The following RAB3C variants were observed in gnomAD, a reference collection of about 807,000 sequenced individuals.
RAB3C encodes the protein RAB3C, member RAS oncogene family.
RAB3C carries 17 observed loss-of-function variants against 26.4 expected under a neutral mutation model. The ratio of observed to expected loss-of-function variants is 0.64; its 90% CI spans 0.44 to 0.97. The LOEUF is 0.97. Among genes scored for constraint, RAB3C ranks in the 50% least tolerant of loss-of-function variants. The pLI is 0.00. For missense variants in RAB3C, 242 were observed against 281.9 expected (o/e 0.86, Z 1.01); for synonymous variants, 91 against 95.9 (o/e 0.95, Z 0.30).
At chr5:58,612,550 A>ATATATATATATATACG (rs1402111652) in intron 1 of RAB3C, among the ~76,000 whole-genome samples, 1 of 91,774 alleles carries the variant, frequency 1.1e-5, no homozygotes, top group African/African-American at 4.5e-5. Flanking sequence ...ATATATATGT[A>ATATATATATATATACG]TATATATATA....
At chr5:58,733,684 A>G (rs1225519966) in intron 3 of RAB3C, among the ~76,000 whole-genome samples, 2 of 152,208 alleles carry the variant, frequency 1.3e-5, no homozygotes, top group African/African-American at 4.8e-5. Flanking sequence ...TTAAGTAAGT[A>G]TAGAAATACC....
intron 2 of RAB3C, among the ~76,000 whole-genome samples, chr5:58,673,099 C>T (rs1478423659): frequency 6.6e-6 from 1 of 152,086 alleles, no homozygotes; most frequent in Non-Finnish European, 1.5e-5. Flanking sequence ...AAATAAAATA[C>T]ACACTTTCAA....
chr5:58,773,972 C>T (rs1216057760), intron 3 of RAB3C, among the ~76,000 whole-genome samples: 1 of 152,128 alleles, frequency 6.6e-6, no homozygotes, highest in Non-Finnish European at 1.5e-5. Context: ...TCCTAACTAC[C>T]TTCCATTAAC....
intron 3 of RAB3C, among the ~76,000 whole-genome samples, chr5:58,804,982 T>C (rs1165353950): frequency 6.6e-6 from 1 of 151,392 alleles, no homozygotes; most frequent in Non-Finnish European, 1.5e-5. Flanking sequence ...AGTAAAAAGA[T>C]CAAAACTGGG....
At chr5:58,678,148 C>T (rs539963305) in intron 2 of RAB3C, among the ~76,000 whole-genome samples, 1 of 152,012 alleles carries the variant, frequency 6.6e-6, no homozygotes, top group South Asian at 2.1e-4. Flanking sequence ...GGGTCTATTC[C>T]AAATTTTAAG....
chr5:58,651,669 A>G lies in RAB3C; in HGVS notation c.252+33799A>G, dbSNP rs553462654. Among the ~76,000 whole-genome samples, 3 of 152,320 alleles carry G rather than the reference A, an allele frequency of 2.0e-5. No individual in the cohort carries two copies. In the East Asian group the frequency reaches 5.8e-4, roughly 29 times the overall value. On this transcript the variant is annotated intron_variant, in intron 2 of 4. Transcript: ENST00000282878. Reference sequence around the variant, plus strand: ...TTCATTCATCCAACAAACATCGTTTAGCACCTATTTTGTTCCAAGCACTAT... The same window carrying G: ...TTCATTCATCCAACAAACATCGTTTGGCACCTATTTTGTTCCAAGCACTAT...
intron 4 of RAB3C, among the ~76,000 whole-genome samples, chr5:58,831,074 C>A (rs1743604125): frequency 6.6e-6 from 1 of 152,062 alleles, no homozygotes; most frequent in South Asian, 2.1e-4. Context: ...ATAGGGTCTT[C>A]ACTATGTCAC....
intron 2 of RAB3C, among the ~76,000 whole-genome samples, chr5:58,708,287 G>C (rs147110240): frequency 2.0e-5 from 3 of 152,244 alleles, no homozygotes; most frequent in African/African-American, 7.2e-5. Flanking sequence ...ACCATGCCTG[G>C]CCCATTCCTT....
At chr5:58,710,696 T>C (rs538434443) in intron 2 of RAB3C, among the ~76,000 whole-genome samples, 4 of 152,160 alleles carry the variant, frequency 2.6e-5, no homozygotes, top group South Asian at 4.2e-4. Context: ...TTCTCTGGTA[T>C]CTTCTCCCTG....
intron 3 of RAB3C, among the ~76,000 whole-genome samples, chr5:58,738,013 A>G (rs558089271): frequency 1.3e-5 from 2 of 152,346 alleles, no homozygotes; most frequent in East Asian, 3.9e-4. Context: ...GGATGGGGGT[A>G]TATTTGCAGT....
chr5:58,690,512 A>G (rs1315635608), intron 2 of RAB3C, among the ~76,000 whole-genome samples: 3 of 152,276 alleles, frequency 2.0e-5, no homozygotes, highest in South Asian at 2.1e-4. Flanking sequence ...GTTGGCTGCA[A>G]TAACCTAACT....
chr5:58,661,071 T>C (rs566106413), intron 2 of RAB3C, among the ~76,000 whole-genome samples: 5 of 150,196 alleles, frequency 3.3e-5, no homozygotes, highest in African/African-American at 1.3e-4. Context: ...TCCCCAAAAT[T>C]CATCTCTTAT....
intron 3 of RAB3C, among the ~76,000 whole-genome samples, chr5:58,807,803 C>A (rs959721636): frequency 2.7e-5 from 4 of 150,878 alleles, no homozygotes; most frequent in Non-Finnish European, 5.9e-5. Context: ...GTCCATAGCA[C>A]AGTGGGTACT....
intron 3 of RAB3C, among the ~76,000 whole-genome samples, chr5:58,804,127 C>T (rs764354859): frequency 9.2e-5 from 14 of 151,866 alleles, no homozygotes; most frequent in Non-Finnish European, 1.6e-4. Flanking sequence ...TCTCTAAATC[C>T]CTTTATCTGT....
intron 2 of RAB3C, among the ~76,000 whole-genome samples, chr5:58,708,523 G>A (rs1748996155): frequency 6.6e-6 from 1 of 152,180 alleles, no homozygotes; most frequent in Non-Finnish European, 1.5e-5. Context: ...AGAAGTTTCT[G>A]TCTTTCCTGT....
chr5:58,776,942 C>T (rs1225915173), intron 3 of RAB3C, among the ~76,000 whole-genome samples: 1 of 152,122 alleles, frequency 6.6e-6, no homozygotes, highest in African/African-American at 2.4e-5. Context: ...GATACATAAT[C>T]CCAACTAATT....
chr5:58,678,523 A>G (rs1327056046), intron 2 of RAB3C, among the ~76,000 whole-genome samples: 2 of 152,118 alleles, frequency 1.3e-5, no homozygotes, highest in African/African-American at 2.4e-5. Flanking sequence ...ATATATCAAG[A>G]GTTTATCTCT....
chr5:58,611,395 AT>A (rs966559643), intron 1 of RAB3C, among the ~76,000 whole-genome samples: 2 of 151,814 alleles, frequency 1.3e-5, no homozygotes, highest in African/African-American at 4.8e-5. Context: ...AGAATCTGTT[AT>A]TTTTTGATTT....
chr5:58,682,320 C>T (rs1015340181), intron 2 of RAB3C, among the ~76,000 whole-genome samples: 4 of 152,034 alleles, frequency 2.6e-5, no homozygotes, highest in East Asian at 1.9e-4. Context: ...CTTTTTTGTA[C>T]GTAGGTCATT....
Sources: allele counts gnomAD v4.1 joint callset (sites outside exome capture counted in the v4.1 genomes callset), GRCh38; gene constraint gnomAD v4.1.1; transcripts MANE v1.5; gene names NCBI Gene and HGNC (gene_info 2026-07-23, HGNC 2026-07-21).